Variants in LIMD1 observed in about 807,000 individuals in gnomAD.
LIMD1 encodes the protein LIM domain containing 1.
A neutral mutation model predicts 58.4 loss-of-function variants in LIMD1; 23 were observed. The observed-to-expected ratio is 0.39, with a 90% CI of 0.28 to 0.56. The LOEUF is 0.56. Among genes scored for constraint, LIMD1 ranks in the 20% least tolerant of loss-of-function variants. LIMD1 has a pLI of 0.57. For missense variants in LIMD1, 838 were observed against 855.5 expected, an observed-to-expected ratio of 0.98 and a Z score of 0.25; for synonymous variants, 334 against 345.5, an observed-to-expected ratio of 0.97 and a Z score of 0.37.
intron 2 of LIMD1, among the ~76,000 whole-genome samples, chr3:45,645,430 C>T (rs1455084050): frequency 2.0e-5 from 3 of 152,172 alleles, no homozygotes; most frequent in African/African-American, 7.2e-5. Flanking sequence ...CTTATGTGGC[C>T]ATGTCTGCAT....
At chr3:45,617,820 G>A (rs554628127) in intron 1 of LIMD1, among the ~76,000 whole-genome samples, 7 of 152,242 alleles carry the variant, frequency 4.6e-5, no homozygotes, top group East Asian at 1.9e-4. Context: ...AAGGGCTGTC[G>A]GTGGGGAAAT....
In LIMD1 at chr3:45,668,405, G is replaced by C. The variant is rs750820703; in HGVS notation, c.1641+49G>C. Reference sequence around the variant, plus strand: ...GAACAGCATCTCAGGTGGAGGAGGAGGTGTTCAGAGAAAAAAGAAATTAAT... The same window carrying C: ...GAACAGCATCTCAGGTGGAGGAGGACGTGTTCAGAGAAAAAAGAAATTAAT... On this transcript the variant is annotated intron_variant, in intron 4 of 7. Coordinates refer to ENST00000273317, the MANE Select transcript of LIMD1 (RefSeq NM_014240.3). 5.7e-6 allele frequency: 8 copies of C among 1,406,272 alleles called. No individual in the cohort carries two copies. The Admixed American group carries it at 1.5e-4, about 26-fold the overall frequency. 87.1% of individuals were successfully genotyped at this position (1,406,272 alleles called of 1,614,324 possible).
intron 1 of LIMD1, among the ~76,000 whole-genome samples, chr3:45,621,130 C>T (rs1701625121): frequency 6.6e-6 from 1 of 152,212 alleles, no homozygotes; most frequent in Non-Finnish European, 1.5e-5. Flanking sequence ...GGAGCTGTCC[C>T]AGGTTAAAGG....
intron 3 of LIMD1, among the ~76,000 whole-genome samples, chr3:45,667,806 A>G (rs1047098039): frequency 6.6e-6 from 1 of 152,062 alleles, no homozygotes; most frequent in African/African-American, 2.4e-5. Context: ...GATTCTGGGT[A>G]ATAATGTAGA....
chr3:45,641,268 G>A (rs1355157082), intron 2 of LIMD1, among the ~76,000 whole-genome samples: 1 of 152,236 alleles, frequency 6.6e-6, no homozygotes, highest in South Asian at 2.1e-4. Context: ...ATGCTCACCT[G>A]TACTTCCTTG....
chr3:45,603,705 A>G (rs1318427980), intron 1 of LIMD1, among the ~76,000 whole-genome samples: 2 of 151,968 alleles, frequency 1.3e-5, no homozygotes, highest in African/African-American at 2.4e-5. Context: ...GTCTCACCAT[A>G]TTGCTTAGGC....
At chr3:45,641,122 G>T (rs1334984192) in intron 2 of LIMD1, among the ~76,000 whole-genome samples, 1 of 152,182 alleles carries the variant, frequency 6.6e-6, no homozygotes, top group African/African-American at 2.4e-5. Flanking sequence ...CATGGAGACG[G>T]CACAGCTGGG....
At chr3:45,597,594 G>T (rs1263881908) in intron 1 of LIMD1, among the ~76,000 whole-genome samples, 1 of 152,222 alleles carries the variant, frequency 6.6e-6, no homozygotes. Flanking sequence ...TAGAAAGACA[G>T]CCTATTCGCA....
At chr3:45,675,893 T>G (rs59567767) in intron 7 of LIMD1, among the ~76,000 whole-genome samples, 6,654 of 152,130 alleles carry the variant, frequency 0.044, 181 homozygotes, top group African/African-American at 0.076. Flanking sequence ...TCTCAGCTAC[T>G]TAGGAAGCTA....
chr3:45,673,809 G>A (rs1202282270), intron 6 of LIMD1: 1 of 387,968 alleles, frequency 2.6e-6, no homozygotes, highest in South Asian at 3.4e-5. Context: ...CTAGCTGCTT[G>A]AGCCCAAGAG....
In LIMD1 at chr3:45,595,968, T is replaced by C; in HGVS notation, c.1089T>C (p.Gly363=). ...SPAGLDGSQQ[G]AVPGLGPKPG... ...CTGGTCTGGACGGTTCACAGCAGGG[T>C]GCGGTCCCTGGGCTGGGGCCGAAGC... The change falls in exon 1 of 8, where the codon GGT becomes GGC. Residue 363 remains glycine (G), a synonymous_variant. Transcript: ENST00000273317. 3 of 1,614,178 alleles carry C rather than the reference T, an allele frequency of 1.9e-6. No homozygotes were observed. Among genetic ancestry groups the C allele is most frequent in the Middle Eastern group, 1.6e-4 (1 of 6,062 alleles).
In LIMD1 at chr3:45,621,672, G is replaced by A. The variant is rs188838932; in HGVS notation, c.1409-14478G>A. On this transcript the variant is annotated intron_variant, in intron 1 of 7. Coordinates refer to ENST00000273317, the MANE Select transcript of LIMD1 (RefSeq NM_014240.3). Reference sequence around the variant, plus strand: ...TATATTTTCTATTTTTCGTATTTAAGTGTTTAATATTTTGATGAGTAGTTT... The same window carrying A: ...TATATTTTCTATTTTTCGTATTTAAATGTTTAATATTTTGATGAGTAGTTT... 4.4e-4 allele frequency among the ~76,000 whole-genome samples: 67 copies of A among 152,268 alleles called. 1 individual carries two copies. Among genetic ancestry groups the A allele is most frequent in the African/African-American group, 1.6e-3 (65 of 41,556 alleles).
chr3:45,677,062 A>C lies in LIMD1; in HGVS notation c.*3A>C, dbSNP rs774428361. Reference sequence around the variant, plus strand: ...CCCTTCACCAGCACCACTTCTAGCCAGAGCCACTTGCAGACATCACGGCAG... The same window carrying C: ...CCCTTCACCAGCACCACTTCTAGCCCGAGCCACTTGCAGACATCACGGCAG... On this transcript the variant is annotated 3_prime_UTR_variant, in exon 8 of 8. Coordinates refer to ENST00000273317, the MANE Select transcript of LIMD1 (RefSeq NM_014240.3). 3.6e-5 allele frequency: 58 copies of C among 1,612,660 alleles called. No homozygotes were observed. The highest frequency in any genetic ancestry group is 4.8e-5 in the Non-Finnish European group (57 of 1,179,534).
chr3:45,669,504 C>A (rs1304541816), intron 4 of LIMD1, among the ~76,000 whole-genome samples: 1 of 152,022 alleles, frequency 6.6e-6, no homozygotes, highest in Non-Finnish European at 1.5e-5. Flanking sequence ...TGTGCATATA[C>A]CCCTGTAACC....
At chr3:45,617,641 G>A (rs1701588348) in intron 1 of LIMD1, among the ~76,000 whole-genome samples, 1 of 152,184 alleles carries the variant, frequency 6.6e-6, no homozygotes, top group African/African-American at 2.4e-5. Context: ...AGAGCCACAA[G>A]GTCACTCACC....
intron 1 of LIMD1, among the ~76,000 whole-genome samples, chr3:45,604,821 C>T (rs1027329874): frequency 6.6e-6 from 1 of 152,190 alleles, no homozygotes; most frequent in Non-Finnish European, 1.5e-5. Context: ...TCTCTGGAGT[C>T]CTCCCTCCTT....
intron 1 of LIMD1, among the ~76,000 whole-genome samples, chr3:45,622,207 G>C (rs79363926): frequency 0.028 from 4,251 of 152,144 alleles, 202 homozygotes; most frequent in African/African-American, 0.097. Context: ...TCCCTGCTCC[G>C]CTGTCCTCCA....
intron 1 of LIMD1, among the ~76,000 whole-genome samples, chr3:45,635,246 G>GTTTTTTTTTT (rs1701774102): frequency 6.6e-6 from 1 of 151,808 alleles, no homozygotes; most frequent in Non-Finnish European, 1.5e-5. Flanking sequence ...TCAAAAAAAA[G>GTTTTTTTTTT]TTCTCTCTCT....
chr3:45,619,849 A>G (rs1473706464), intron 1 of LIMD1, among the ~76,000 whole-genome samples: 1 of 116,966 alleles, frequency 8.5e-6, no homozygotes, highest in South Asian at 3.3e-4. Flanking sequence ...CAAAAAAAGC[A>G]CATTTTACTG....
Sources: allele counts gnomAD v4.1 joint callset (sites outside exome capture counted in the v4.1 genomes callset), GRCh38; gene constraint gnomAD v4.1.1; transcripts MANE v1.5; gene names NCBI Gene and HGNC (gene_info 2026-07-23, HGNC 2026-07-21).